CCDC40: variants seen among roughly 807,000 people sequenced by gnomAD.
CCDC40 encodes the protein coiled-coil domain-containing protein 40.
Under a neutral mutation model 124.5 loss-of-function variants are expected in CCDC40, and 104 were observed. The ratio of observed to expected loss-of-function variants is 0.84; its 90% confidence interval spans 0.71 to 0.98. The LOEUF (loss-of-function observed/expected upper bound fraction) is 0.98, where lower values mean the gene tolerates loss of function less well. Among genes scored for constraint, CCDC40 ranks in the 50% least tolerant of loss-of-function variants. The probability of loss-of-function intolerance (pLI) is 0.00; values close to 1 mark genes in which losing one functional copy is unlikely to be tolerated. For synonymous variants in CCDC40, 580 were observed against 602.9 expected, an observed-to-expected ratio of 0.96 and a Z score of 0.56; for missense variants, 1,463 against 1,503.9, an observed-to-expected ratio of 0.97 and a Z score of 0.45.
At chr17:80,088,314 C>T (rs780865141) in intron 16 of CCDC40, 75 of 595,200 alleles carry the variant, frequency 1.3e-4, no homozygotes, top group African/African-American at 7.2e-4. Context: ...TGCAGCCGTG[C>T]GATCTCAGCT....
At chr17:80,072,499 A>G (rs1269553888) in intron 10 of CCDC40, among the ~76,000 whole-genome samples, 1 of 152,150 alleles carries the variant, frequency 6.6e-6, no homozygotes, top group East Asian at 1.9e-4. Flanking sequence ...AAATTTAGAC[A>G]TTTATAAGGC....
chr17:80,082,973 G>A (rs1001797777), intron 12 of CCDC40, among the ~76,000 whole-genome samples: 1 of 152,228 alleles, frequency 6.6e-6, no homozygotes, highest in Non-Finnish European at 1.5e-5. Flanking sequence ...CTGATAGAAG[G>A]TGGGGTGGGG....
In CCDC40 at chr17:80,099,732, G is replaced by A; in HGVS notation, c.3386G>A (p.Ser1129Asn). Residue 1129 changes from serine to asparagine, a missense_variant, in exon 20 of 20, where the codon AGC becomes AAC. By Grantham distance (46) the Ser-to-Asn change is conservative. Coordinates refer to ENST00000397545, the MANE Select transcript of CCDC40 (RefSeq NM_017950.4). ...PQFQEALHKV[S>N]QMIANKLESP... ...TTCCAGGAGGCCCTGCACAAGGTCA[G>A]CCAGATGATCGCCAACAAGCTCGAG... 6.2e-7 allele frequency: 1 copy of A among 1,613,614 alleles called. No individual in the cohort carries two copies. Among genetic ancestry groups the A allele is most frequent in the East Asian group, 2.2e-5 (1 of 44,876 alleles).
chr17:80,038,143 C>G lies in CCDC40; in HGVS notation c.50C>G (p.Ser17Trp). ...ACCAGGTCCCATCCGGAAGATGGATCGGCTTCTGAGGGAGAGAAGGAAGGG... is the reference window on the plus strand; with the variant it reads ...ACCAGGTCCCATCCGGAAGATGGATGGGCTTCTGAGGGAGAGAAGGAAGGG... ...AAGRSHPEDG[S>W]ASEGEKEGNN... The change falls in exon 2 of 20, where the codon TCG becomes TGG. Residue 17 changes from serine (S) to tryptophan (W), a missense_variant. By Grantham distance (177) the Ser-to-Trp change is radical (BLOSUM62 -3). Transcript: ENST00000397545. 6.2e-7 allele frequency: 1 copy of G among 1,610,674 alleles called. No individual in the cohort carries two copies. Among genetic ancestry groups the G allele is most frequent in the Non-Finnish European group, 8.5e-7 (1 of 1,177,204 alleles).
At chr17:80,037,682 T>TAAAAAAA (rs1423212184) in intron 1 of CCDC40, among the ~76,000 whole-genome samples, 45 of 96,166 alleles carry the variant, frequency 4.7e-4, no homozygotes, top group South Asian at 1.4e-3. Context: ...CTTTAATTTT[T>TAAAAAAA]TAAAAAAGAT....
chr17:80,066,935 A>G lies in CCDC40; in HGVS notation c.1562+1329A>G, dbSNP rs114835077. 0.014 allele frequency: 2,140 copies of G among 152,702 alleles called. 52 individuals carry two copies. The highest frequency in any genetic ancestry group is 0.049 in the African/African-American group (2,040 of 41,536). 9.5% of individuals were successfully genotyped at this position (152,702 alleles called of 1,614,324 possible). On this transcript the variant is annotated intron_variant, in intron 10 of 19. Transcript: ENST00000397545. This position sits in a 1 kb window ranked among gnomAD's most constrained non-coding sequence, Gnocchi z 4.4. ...CAAGGGCTCCTCTCCCTGTGTCACC[A>G]GGGTTGCCTGAACACCAGGACGAGA...
At chr17:80,093,131 A>T in intron 17 of CCDC40, among the ~76,000 whole-genome samples, 1 of 152,058 alleles carries the variant, frequency 6.6e-6, no homozygotes, top group Non-Finnish European at 1.5e-5. Flanking sequence ...TCCCTTCACC[A>T]ATGCCCTGCT....
At chr17:80,093,278 T>C (rs559412934) in intron 17 of CCDC40, among the ~76,000 whole-genome samples, 1 of 152,284 alleles carries the variant, frequency 6.6e-6, no homozygotes, top group Non-Finnish European at 1.5e-5. Context: ...ACCTCCTGGG[T>C]TCGAGCAATT....
At position 80,065,603 on chromosome 17, in the gene CCDC40, T is replaced by C. The variant is rs776454186; in HGVS notation, c.1559T>C (p.Leu520Pro). The part of the protein sequence containing the change: ...DEAHRAVLEA[L>P]RGCQHQAKST... The stretch of plus-strand genomic sequence containing the variant: ...GCGCACAGGGCGGTGCTGGAGGCGC[T>C]CAGGTACTGCAGGGCCACAGGCAGC... The change falls in exon 10 of 20, where the codon CTC becomes CCC. Residue 520 changes from leucine (L) to proline (P), a missense_variant. By Grantham distance (98) the Leu-to-Pro change is moderately conservative. Coordinates refer to ENST00000397545, the MANE Select transcript of CCDC40 (RefSeq NM_017950.4). 4.3e-6 allele frequency: 7 copies of C among 1,612,296 alleles called. No homozygotes were observed. The South Asian group carries it at 7.7e-5, about 18-fold the overall frequency.
At position 80,067,666 on chromosome 17, in the gene CCDC40, G is replaced by A. The variant is rs369812581; in HGVS notation, c.1562+2060G>A. On this transcript the variant is annotated intron_variant, in intron 10 of 19. Coordinates refer to ENST00000397545, the MANE Select transcript of CCDC40 (RefSeq NM_017950.4). The stretch of plus-strand genomic sequence containing the variant: ...TATGGCGGTGCTGCTGTAGATAACC[G>A]GATCCGCGAATGCTAACGCTCACCA... 611 of 1,535,954 alleles carry A rather than the reference G, an allele frequency of 4.0e-4. 12 individuals are homozygous for A. The East Asian group carries it at 9.5e-3, about 24-fold the overall frequency.
chr17:80,068,994 C>T (rs1197461247), intron 10 of CCDC40, among the ~76,000 whole-genome samples: 1 of 152,218 alleles, frequency 6.6e-6, no homozygotes, highest in Non-Finnish European at 1.5e-5. Flanking sequence ...CATGGCCTGT[C>T]CGTCCACATG....
At chr17:80,089,261 T>C (rs1238735676) in intron 16 of CCDC40, among the ~76,000 whole-genome samples, 1 of 152,212 alleles carries the variant, frequency 6.6e-6, no homozygotes, top group African/African-American at 2.4e-5. Context: ...GCAGGCGTGG[T>C]GTGGAGGCAC....
intron 10 of CCDC40, among the ~76,000 whole-genome samples, chr17:80,069,780 G>A (rs144405881): frequency 0.015 from 2,219 of 151,048 alleles, 56 homozygotes; most frequent in African/African-American, 0.052. Context: ...AGAAAAAAAA[G>A]AGAGAGAGAG....
At position 80,058,913 on chromosome 17, in the gene CCDC40, C is replaced by G; in HGVS notation, c.1373C>G (p.Ala458Gly). ...GCCCAGCAACTGGAAGAAGACATTG[C>G]CCTGTTTGAGGCTCAGTACTTGGCC... The part of the protein sequence containing the change: ...TRAQQLEEDI[A>G]LFEAQYLAQA... The change falls in exon 9 of 20, where the codon GCC becomes GGC. Residue 458 changes from alanine to glycine, a missense_variant. By Grantham distance (60) the Ala-to-Gly change is moderately conservative. Transcript: ENST00000397545. This position sits in a 1 kb window ranked among gnomAD's most constrained non-coding sequence, Gnocchi z 4.2. 1 of 1,614,144 alleles carries G rather than the reference C, an allele frequency of 6.2e-7. No homozygotes were observed. Among genetic ancestry groups the G allele is most frequent in the Non-Finnish European group, 8.5e-7 (1 of 1,180,006 alleles).
At chr17:80,038,213 C>A in intron 2 of CCDC40, 27 bp downstream of exon 2, 1 of 1,441,818 alleles carries the variant, frequency 6.9e-7, no homozygotes, top group Non-Finnish European at 9.7e-7. Flanking sequence ...GCAGTTATTC[C>A]GGGCTTATAT....
At chr17:80,046,234 G>A (rs372711659) in intron 3 of CCDC40, among the ~76,000 whole-genome samples, 7 of 152,060 alleles carry the variant, frequency 4.6e-5, no homozygotes, top group East Asian at 3.9e-4. Flanking sequence ...ACTCTCCCCC[G>A]CCCAGGGAAT....
intron 3 of CCDC40, among the ~76,000 whole-genome samples, chr17:80,045,374 G>A (rs1320137724): frequency 6.6e-6 from 1 of 152,168 alleles, no homozygotes; most frequent in East Asian, 1.9e-4. Context: ...CATCATCAGC[G>A]ATAATTATTG....
At chr17:80,090,899 T>G (rs2038710690) in intron 17 of CCDC40, 1 of 787,834 alleles carries the variant, frequency 1.3e-6, no homozygotes, top group Non-Finnish European at 1.6e-6. Flanking sequence ...AATACCAAAT[T>G]TAATTGACTT....
In CCDC40 at chr17:80,087,523, G is replaced by C; in HGVS notation, c.2450-84G>C. On this transcript the variant is annotated intron_variant, in intron 14 of 19. Coordinates refer to ENST00000397545, the MANE Select transcript of CCDC40 (RefSeq NM_017950.4). The surrounding 1 kb of genome is among the most constrained non-coding windows in gnomAD (Gnocchi z 4.5). ...GAGCTACAGGGAGAGACAAAACCTGGCTCACCTCTCGGACACTGCTGCCTG... is the reference window on the plus strand; with the variant it reads ...GAGCTACAGGGAGAGACAAAACCTGCCTCACCTCTCGGACACTGCTGCCTG... 1 of 1,093,120 alleles carries C rather than the reference G, an allele frequency of 9.1e-7. No individual in the cohort carries two copies. Among genetic ancestry groups the C allele is most frequent in the Non-Finnish European group, 1.4e-6 (1 of 720,086 alleles). The allele number at this position is 1,093,120 out of a possible 1,614,324, so 67.7% of individuals were successfully genotyped here.
Sources: allele counts gnomAD v4.1 joint callset (sites outside exome capture counted in the v4.1 genomes callset), GRCh38; gene constraint gnomAD v4.1.1; non-coding constraint Gnocchi (gnomAD v3.1); transcripts MANE v1.5; gene names NCBI Gene and HGNC (gene_info 2026-07-23, HGNC 2026-07-21).